The following STAG2 variants were observed in gnomAD, a reference collection of about 807,000 sequenced individuals.
STAG2 encodes the protein cohesin subunit SA-2.
In STAG2, 14 loss-of-function variants were observed where a neutral mutation model predicts 108.1. That is an observed-to-expected ratio of 0.13 (90% confidence interval 0.09 to 0.20). The LOEUF (loss-of-function observed/expected upper bound fraction) is 0.20, where lower values mean the gene tolerates loss of function less well. Among genes scored for constraint, STAG2 ranks in the 10% least tolerant of loss-of-function variants. STAG2 has a pLI of 1.00. For missense variants in STAG2, 440 were observed against 940.9 expected, an observed-to-expected ratio of 0.47 and a Z score of 6.96; for synonymous variants, 307 against 302.7, an observed-to-expected ratio of 1.01 and a Z score of -0.15.
At chrX:124,059,740 A>T (rs1419399764) in intron 15 of STAG2, among the ~76,000 whole-genome samples, 1 of 111,477 alleles carries the variant, frequency 9.0e-6, no homozygotes. Context: ...AGCTCATTGC[A>T]GCCTTGAACT....
chrX:124,047,190 GTTATT>G (rs1398571409), intron 8 of STAG2, among the ~76,000 whole-genome samples, 159 bp from the exon 9 acceptor site: 1 of 111,630 alleles, frequency 9.0e-6, no homozygotes, highest in Non-Finnish European at 1.9e-5. Flanking sequence ...TTCCTGAAAA[GTTATT>G]TTATTTTATG....
chrX:124,055,208 T>C (rs766321251), intron 13 of STAG2, among the ~76,000 whole-genome samples: 2 of 112,750 alleles, frequency 1.8e-5, no homozygotes, highest in Non-Finnish European at 3.7e-5. Context: ...AAAGAAGTAA[T>C]ACTTCTTAGA....
intron 33 of STAG2, 104 bp from the exon 34 acceptor site, chrX:124,095,268 C>T (rs778310371): frequency 3.7e-5 from 24 of 648,361 alleles, no homozygotes; most frequent in Non-Finnish European, 4.9e-5. Flanking sequence ...GTCAGGTACA[C>T]TTGGAATCAC....
At chrX:124,091,744 A>G (rs1283181667) in intron 32 of STAG2, among the ~76,000 whole-genome samples, 1 of 112,731 alleles carries the variant, frequency 8.9e-6, no homozygotes, top group Non-Finnish European at 1.9e-5. Context: ...GAGCTCCTCA[A>G]GGGCAGGGAC....
intron 30 of STAG2, among the ~76,000 whole-genome samples, chrX:124,090,160 CAAAAAAAAAAAAA>C (rs758142487): frequency 1.0e-3 from 29 of 28,405 alleles, no homozygotes; most frequent in African/African-American, 4.8e-3. Flanking sequence ...GACTCTGTCT[CAAAAAAAAAAAAA>C]AAAAAAAAAA....
At position 124,100,685 on chromosome X, in the gene STAG2, A is replaced by C. The variant is rs186381656; in HGVS notation, c.*88A>C. 1.2e-6 allele frequency: 1 copy of C among 809,384 alleles called. No individual in the cohort carries two copies. The highest frequency in any genetic ancestry group is 3.3e-5 in the East Asian group (1 of 30,680). 66.7% of individuals were successfully genotyped at this position (809,384 alleles called of 1,213,427 possible). On this transcript the variant is annotated 3_prime_UTR_variant, in exon 35 of 35. Transcript: ENST00000371145. ...TGTGGTAGATACAGTGAAATTCTGT[A>C]CAGATTTTTCTCTAAGGAGAATATG...
At chrX:123,998,657 A>G (rs1444158776) in intron 1 of STAG2, among the ~76,000 whole-genome samples, 2 of 109,634 alleles carry the variant, frequency 1.8e-5, no homozygotes, top group Non-Finnish European at 3.8e-5. Flanking sequence ...GGCCTTCGTA[A>G]TAGATATGAA....
chrX:124,043,280 C>T (rs2057776918), intron 7 of STAG2, among the ~76,000 whole-genome samples: 1 of 107,984 alleles, frequency 9.3e-6, no homozygotes, highest in South Asian at 4.2e-4. Context: ...AGGCACCCAC[C>T]ACCACACCTG....
chrX:123,981,374 C>T (rs902267984), intron 1 of STAG2, among the ~76,000 whole-genome samples: 1 of 109,898 alleles, frequency 9.1e-6, no homozygotes, highest in Admixed American at 9.8e-5. Context: ...TTATATTTGA[C>T]TATTCTAAGT....
At position 124,000,802 on chromosome X, in the gene STAG2, G is replaced by A. The variant is rs967331261; in HGVS notation, c.-162-20565G>A. Among the ~76,000 whole-genome samples the A allele has an allele frequency of 6.2e-5, 7 of 112,141 alleles. No individual in the cohort carries two copies. The East Asian group carries it at 2.0e-3, about 31-fold the overall frequency. ...TGTTATTGTCCCTGAAGACCTTCCA[G>A]TAGGACAAGATGTAGAAGTGTAAGA... On this transcript the variant is annotated intron_variant, in intron 1 of 34. Coordinates refer to ENST00000371145, the MANE Select transcript of STAG2 (RefSeq NM_001042750.2).
intron 1 of STAG2, among the ~76,000 whole-genome samples, chrX:124,016,519 A>G (rs1030508245): frequency 1.8e-5 from 2 of 111,936 alleles, no homozygotes; most frequent in Non-Finnish European, 1.9e-5. Flanking sequence ...TATTACATTA[A>G]TTACATTGAT....
chrX:124,078,619 T>C (rs983901010), intron 27 of STAG2, among the ~76,000 whole-genome samples: 8 of 111,568 alleles, frequency 7.2e-5, no homozygotes, highest in South Asian at 7.5e-4. Flanking sequence ...TCTACTTTTT[T>C]CTCTGTATAT....
At chrX:123,975,288 A>G (rs932938325) in intron 1 of STAG2, among the ~76,000 whole-genome samples, 3 of 112,125 alleles carry the variant, frequency 2.7e-5, no homozygotes, top group Non-Finnish European at 5.6e-5. Context: ...CCTTTGGGAT[A>G]TGTCCCTCCC....
intron 1 of STAG2, among the ~76,000 whole-genome samples, chrX:124,007,673 CTCAG>C (rs759058953): frequency 5.5e-4 from 62 of 112,445 alleles, no homozygotes; most frequent in African/African-American, 1.8e-3. Flanking sequence ...TGTTAATCCT[CTCAG>C]TATTTTTTTG....
At chrX:124,012,327 A>G (rs1358757148) in intron 1 of STAG2, among the ~76,000 whole-genome samples, 4 of 111,905 alleles carry the variant, frequency 3.6e-5, no homozygotes, top group Non-Finnish European at 7.5e-5. Flanking sequence ...CTCTTTGTCT[A>G]GGAATGTTTA....
chrX:124,026,158 TAA>T lies in STAG2; in HGVS notation c.123+241_123+242del, dbSNP rs2057094791. On this transcript the variant is annotated intron_variant, in intron 4 of 34. Transcript: ENST00000371145. ...ATAATAATAATAATAATAATAATAA[TAA>T]TAATAATAATACATTTCCAGTAGTT... 4.7e-5 allele frequency among the ~76,000 whole-genome samples: 5 copies of T among 105,792 alleles called. No individual in the cohort carries two copies. The East Asian group carries it at 1.4e-3, about 31-fold the overall frequency. 91.9% of individuals were successfully genotyped at this position (105,792 alleles called of 115,157 possible).
At chrX:123,974,186 T>C (rs1309541673) in intron 1 of STAG2, among the ~76,000 whole-genome samples, 1 of 111,100 alleles carries the variant, frequency 9.0e-6, no homozygotes, top group Non-Finnish European at 1.9e-5. Context: ...TTGGCAGTTG[T>C]TAATAAACAA....
chrX:124,066,388 T>C lies in STAG2; in HGVS notation c.2217T>C (p.Tyr739=). ...IVIHALQCTH[Y]VILWQLAKIT... ...TTCACGCACTGCAGTGTACTCACTA[T>C]GTAATCCTTTGGCAACTTGCTAAGA... The change falls in exon 23 of 35, where the codon TAT becomes TAC. Residue 739 remains tyrosine (Y), a synonymous_variant. Coordinates refer to ENST00000371145, the MANE Select transcript of STAG2 (RefSeq NM_001042750.2). 8.3e-7 allele frequency: 1 copy of C among 1,209,076 alleles called. No individual in the cohort carries two copies. Among genetic ancestry groups the C allele is most frequent in the South Asian group, 1.8e-5 (1 of 56,880 alleles).
chrX:123,976,480 T>C (rs2054624911), intron 1 of STAG2, among the ~76,000 whole-genome samples: 1 of 111,387 alleles, frequency 9.0e-6, no homozygotes, highest in African/African-American at 3.3e-5. Flanking sequence ...TTGTGCAGTA[T>C]ATATTATACA....
Sources: allele counts gnomAD v4.1 joint callset (sites outside exome capture counted in the v4.1 genomes callset), GRCh38; gene constraint gnomAD v4.1.1; transcripts MANE v1.5; gene names NCBI Gene and HGNC (gene_info 2026-07-23, HGNC 2026-07-21).